The following KNOP1 variants were observed in gnomAD, a reference collection of about 807,000 sequenced individuals.
KNOP1 encodes the protein lysine rich nucleolar protein 1.
A neutral mutation model predicts 30.6 loss-of-function variants in KNOP1; 20 were observed. The observed-to-expected ratio is 0.65, with a 90% CI of 0.46 to 0.95. The LOEUF (loss-of-function observed/expected upper bound fraction) is 0.95. Among genes scored for constraint, KNOP1 ranks in the 40% least tolerant of loss-of-function variants. The pLI is 0.00. For missense variants in KNOP1, 540 were observed against 562.0 expected, an observed-to-expected ratio of 0.96 and a Z score of 0.40; for synonymous variants, 204 against 210.0, an observed-to-expected ratio of 0.97 and a Z score of 0.25.
At position 19,714,579 on chromosome 16, in the gene KNOP1, T is replaced by C; in HGVS notation, c.457A>G (p.Lys153Glu). The C allele has an allele frequency of 6.2e-7, 1 of 1,614,002 alleles. No individual in the cohort carries two copies. The highest frequency in any genetic ancestry group is 8.5e-7 in the Non-Finnish European group (1 of 1,179,996). ...RVGKKLKKHK[K>E]EKKGAQDPTA... ...GGGTCCTGGGCCCCCTTTTTTTCCTTCTTGTGTTTTTTGAGCTTCTTGCCA... is the reference window on the plus strand; with the variant it reads ...GGGTCCTGGGCCCCCTTTTTTTCCTCCTTGTGTTTTTTGAGCTTCTTGCCA... Residue 153 changes from lysine to glutamate, a missense_variant, in exon 2 of 5, where the codon AAG becomes GAG. Lys to Glu is a moderately conservative substitution (Grantham distance 56, BLOSUM62 1). Coordinates refer to ENST00000219837, the MANE Select transcript of KNOP1 (RefSeq NM_001012991.3).
In KNOP1 at chr16:19,710,547, A is replaced by G; in HGVS notation, c.1027T>C (p.Ser343Pro). ...GTTTCAGAAGCTTCCGTTTTGCCTG[A>G]CTCGCGATCGATCTCTTCTTGCAAG... Reference protein sequence around the residue: ...KALQEEIDRESGKTEASETRK... With the variant: ...KALQEEIDREPGKTEASETRK... The change falls in exon 4 of 5, where the codon TCA (serine) becomes CCA (proline). Residue 343 changes from serine (S) to proline (P), a missense_variant. Physicochemically the swap from Ser to Pro is moderately conservative, Grantham distance 74. Coordinates refer to ENST00000219837, the MANE Select transcript of KNOP1 (RefSeq NM_001012991.3). 1 of 1,612,304 alleles carries G rather than the reference A, an allele frequency of 6.2e-7. No individual in the cohort carries two copies. Among genetic ancestry groups the G allele is most frequent in the Non-Finnish European group, 8.5e-7 (1 of 1,180,000 alleles).
chr16:19,717,729 C>A (rs1977248635), intron 1 of KNOP1: 1 of 987,244 alleles, frequency 1.0e-6, no homozygotes, highest in South Asian at 4.7e-5. Flanking sequence ...GAATACCCGA[C>A]CTCGCAAGCT....
At position 19,707,170 on chromosome 16, in the gene KNOP1, T is replaced by C; in HGVS notation, c.1117A>G (p.Lys373Glu). The C allele has an allele frequency of 6.2e-7, 1 of 1,613,914 alleles. No homozygotes were observed. Among genetic ancestry groups the C allele is most frequent in the Non-Finnish European group, 8.5e-7 (1 of 1,179,988 alleles). Residue 373 changes from lysine (K) to glutamate (E), a missense_variant, in exon 5 of 5, where the codon AAA becomes GAA. Physicochemically the swap from Lys to Glu is moderately conservative, Grantham distance 56. Coordinates refer to ENST00000219837, the MANE Select transcript of KNOP1 (RefSeq NM_001012991.3). ...CCCATAAGTCTGAGAAATTTCAGTT[T>C]TTGGTCCTCGTTCTCAAAACCAGCA... ...DTAGFENEDQ[K>E]LKFLRLMGGF...
chr16:19,710,697 A>G, intron 3 of KNOP1, 111 bp from the exon 4 acceptor site: 2 of 800,276 alleles, frequency 2.5e-6, no homozygotes, highest in East Asian at 2.5e-5. Context: ...GAACTAACAC[A>G]GCTTGACTCT....
At position 19,709,692 on chromosome 16, in the gene KNOP1, C is replaced by T. The variant is rs145886273; in HGVS notation, c.1065+817G>A. 7.1e-3 allele frequency among the ~76,000 whole-genome samples: 1,068 copies of T among 149,854 alleles called. 6 individuals are homozygous for T. The highest frequency in any genetic ancestry group is 0.031 in the Middle Eastern group (9 of 294). ...GCACCGGCCACTGGCCTCACTGAAA[C>T]GCTCTTCCCCCTGTCTCCTGAGGGC... On this transcript the variant is annotated intron_variant, in intron 4 of 4. Coordinates refer to ENST00000219837, the MANE Select transcript of KNOP1 (RefSeq NM_001012991.3).
At position 19,718,186 on chromosome 16, in the gene KNOP1, T is replaced by A. The variant is rs911977522; in HGVS notation, c.-31A>T. 6.7e-7 allele frequency: 1 copy of A among 1,495,680 alleles called. No homozygotes were observed. Among genetic ancestry groups the A allele is most frequent in the Admixed American group, 2.1e-5 (1 of 46,768 alleles). 92.7% of individuals were successfully genotyped at this position (1,495,680 alleles called of 1,614,324 possible). On this transcript the variant is annotated 5_prime_UTR_variant, in exon 1 of 5. Transcript: ENST00000219837. ...TGGGCGAAATTTCCCCGCCTCCACGTGAGAGCCAGCTCCGCCGTGACCCGG... is the reference window on the plus strand; with the variant it reads ...TGGGCGAAATTTCCCCGCCTCCACGAGAGAGCCAGCTCCGCCGTGACCCGG...
chr16:19,714,003 A>G (rs746107924), intron 2 of KNOP1, 115 bp downstream of exon 2: 28 of 899,294 alleles, frequency 3.1e-5, no homozygotes, highest in African/African-American at 6.7e-5. Context: ...CCAGGGTTTT[A>G]GCTAAAAGCA....
rs1976371768 is a variant in KNOP1, at chr16:19,706,777, G to A, written c.*133C>T. 1 of 875,310 alleles carries A rather than the reference G, an allele frequency of 1.1e-6. No homozygotes were observed. The highest frequency in any genetic ancestry group is 1.8e-6 in the Non-Finnish European group (1 of 552,798). The allele number at this position is 875,310 out of a possible 1,614,324, so 54.2% of individuals were successfully genotyped here. On this transcript the variant is annotated 3_prime_UTR_variant, in exon 5 of 5. Transcript: ENST00000219837. ...CCATTACTGGAACGCTAAGCTTATG[G>A]GAGTTATTTATATCTTACTGCTCGA...
intron 3 of KNOP1, among the ~76,000 whole-genome samples, 163 bp from the exon 4 acceptor site, chr16:19,710,749 G>C (rs1976670728): frequency 6.6e-6 from 1 of 152,128 alleles, no homozygotes; most frequent in South Asian, 2.1e-4. Flanking sequence ...TATTCTCTTA[G>C]CATCTCAAGG....
Position 19,705,433 on chromosome 16 carries a change from G to T in KNOP1, c.*1477C>A, listed in dbSNP as rs530645928. The T allele has an allele frequency of 2.8e-6, 1 of 363,144 alleles. No homozygotes were observed. Among genetic ancestry groups the T allele is most frequent in the South Asian group, 2.1e-5 (1 of 48,424 alleles). The allele number at this position is 363,144 out of a possible 1,614,324, so 22.5% of individuals were successfully genotyped here. A position where few individuals can be genotyped will look rare whatever the true frequency, so the allele number is the denominator to read the frequency against. Reference sequence around the variant, plus strand: ...TGCGACTTGGGCCACTGGACCTGGAGCTCTTTGAGGCTTGCTGTAGAGTCC... The same window carrying T: ...TGCGACTTGGGCCACTGGACCTGGATCTCTTTGAGGCTTGCTGTAGAGTCC... On this transcript the variant is annotated 3_prime_UTR_variant, in exon 5 of 5. Transcript: ENST00000219837.
chr16:19,705,047 C>T lies in KNOP1; in HGVS notation c.*1863G>A, dbSNP rs1478998065. On this transcript the variant is annotated 3_prime_UTR_variant, in exon 5 of 5. Coordinates refer to ENST00000219837, the MANE Select transcript of KNOP1 (RefSeq NM_001012991.3). ...CAGCTATGGGCAGATGACTCATTGC[C>T]CAGCAATGGAGGCTTCTGGAAGTTT... 2.5e-6 allele frequency: 1 copy of T among 403,020 alleles called. No individual in the cohort carries two copies. Among genetic ancestry groups the T allele is most frequent in the East Asian group, 7.2e-5 (1 of 13,862 alleles). The allele number at this position is 403,020 out of a possible 1,614,324, so 25.0% of individuals were successfully genotyped here.
chr16:19,714,215 T>C lies in KNOP1; in HGVS notation c.821A>G (p.Lys274Arg). 1.2e-6 allele frequency: 2 copies of C among 1,614,112 alleles called. No individual in the cohort carries two copies. Among genetic ancestry groups the C allele is most frequent in the South Asian group, 2.2e-5 (2 of 91,062 alleles). ...CTCGATGACTGGCTGCTCTACCTTC[T>C]TTTTGGACTTCATCTTTTTCTTTGC... ...ASAKKKMKSK[K>R]KVEQPVIEEP... The change falls in exon 2 of 5, where the codon AAG becomes AGG. Residue 274 changes from lysine to arginine, a missense_variant. Physicochemically the swap from Lys to Arg is conservative, Grantham distance 26 (BLOSUM62 2). Coordinates refer to ENST00000219837, the MANE Select transcript of KNOP1 (RefSeq NM_001012991.3).
rs1344448711 is a variant in KNOP1, at chr16:19,704,160, C to T, written c.*2750G>A. On this transcript the variant is annotated 3_prime_UTR_variant, in exon 5 of 5. Coordinates refer to ENST00000219837, the MANE Select transcript of KNOP1 (RefSeq NM_001012991.3). ...TGTGCAGTGGCACCATCCCAGCTCA[C>T]TACAACCTCCACCTCCCGGGTTCAA... The T allele has an allele frequency of 6.6e-6, 1 of 152,278 alleles. No homozygotes were observed. Among genetic ancestry groups the T allele is most frequent in the Non-Finnish European group, 1.5e-5 (1 of 68,122 alleles). 9.4% of individuals were successfully genotyped at this position (152,278 alleles called of 1,614,324 possible).
intron 1 of KNOP1, chr16:19,717,241 T>C (rs1977181782): frequency 1.8e-5 from 16 of 878,434 alleles, no homozygotes; most frequent in Non-Finnish European, 2.0e-5. Flanking sequence ...AGGCATCCAC[T>C]GGGGGTTTAG....
At chr16:19,708,807 T>C (rs1976555168) in intron 4 of KNOP1, among the ~76,000 whole-genome samples, 1 of 152,174 alleles carries the variant, frequency 6.6e-6, no homozygotes, top group African/African-American at 2.4e-5. Flanking sequence ...CTGCAGTTTC[T>C]AGAGTGAGAG....
In KNOP1 at chr16:19,707,179, C is replaced by G; in HGVS notation, c.1108G>C (p.Glu370Gln). The change falls in exon 5 of 5, where the codon GAG becomes CAG. Residue 370 changes from glutamate (E) to glutamine (Q), a missense_variant. By Grantham distance (29) the Glu-to-Gln change is conservative. Coordinates refer to ENST00000219837, the MANE Select transcript of KNOP1 (RefSeq NM_001012991.3). ...CTGAGAAATTTCAGTTTTTGGTCCT[C>G]GTTCTCAAAACCAGCAGTATCCCAC... Reference protein sequence around the residue: ...GQWDTAGFENEDQKLKFLRLM... With the variant: ...GQWDTAGFENQDQKLKFLRLM... 1 of 1,613,810 alleles carries G rather than the reference C, an allele frequency of 6.2e-7. No homozygotes were observed. The highest frequency in any genetic ancestry group is 8.5e-7 in the Non-Finnish European group (1 of 1,179,998).
intron 1 of KNOP1, chr16:19,717,509 G>C (rs1339918223): frequency 1.0e-6 from 1 of 985,200 alleles, no homozygotes; most frequent in Non-Finnish European, 1.2e-6. Flanking sequence ...AGAATCCACC[G>C]GGAGGTTGCG....
rs1976962915 is a variant in KNOP1, at chr16:19,715,166, G to C, written c.-2-129C>G. ...GTTGTGGGACAGGGAAAATGGACATGATTCCTTTAAAGCAAAAAAAGAAAT... is the reference window on the plus strand; with the variant it reads ...GTTGTGGGACAGGGAAAATGGACATCATTCCTTTAAAGCAAAAAAAGAAAT... On this transcript the variant is annotated intron_variant, in intron 1 of 4. Transcript: ENST00000219837. The C allele has an allele frequency of 1.1e-5, 7 of 618,376 alleles. No individual in the cohort carries two copies. The South Asian group carries it at 1.6e-4, about 14-fold the overall frequency. The allele number at this position is 618,376 out of a possible 1,614,324, so 38.3% of individuals were successfully genotyped here.
At chr16:19,708,033 C>T (rs1245514010) in intron 4 of KNOP1, among the ~76,000 whole-genome samples, 1 of 150,198 alleles carries the variant, frequency 6.7e-6, no homozygotes, top group African/African-American at 2.5e-5. Flanking sequence ...CCCCACCTCC[C>T]CACAGGGCGC....
Sources: allele counts gnomAD v4.1 joint callset (sites outside exome capture counted in the v4.1 genomes callset), GRCh38; gene constraint gnomAD v4.1.1; transcripts MANE v1.5; gene names NCBI Gene and HGNC (gene_info 2026-07-23, HGNC 2026-07-21).